Variants in SLC7A2 observed in about 807,000 individuals in gnomAD.
SLC7A2 encodes solute carrier family 7 member 2.
SLC7A2 carries 48 observed loss-of-function variants against 58.9 expected under a neutral mutation model. The observed-to-expected ratio is 0.82, with a 90% CI of 0.65 to 1.04. The LOEUF (loss-of-function observed/expected upper bound fraction) is 1.04. Among genes scored for constraint, SLC7A2 ranks in the 50% least tolerant of loss-of-function variants. SLC7A2 has a pLI of 0.00. For missense variants in SLC7A2, 1,029 were observed against 818.8 expected, an observed-to-expected ratio of 1.26 and a Z score of -3.13; for synonymous variants, 363 against 314.5, an observed-to-expected ratio of 1.15 and a Z score of -1.63.
chr8:17,496,582 G>A (rs1221780917), upstream of SLC7A2, among the ~76,000 whole-genome samples: 10 of 152,106 alleles, frequency 6.6e-5, no homozygotes, highest in South Asian at 2.1e-4. Context: ...CATACCACTG[G>A]AGTCTTCCAA....
At chr8:17,535,003 AG>A (rs1409190856) in intron 2 of SLC7A2, among the ~76,000 whole-genome samples, 11 of 152,030 alleles carry the variant, frequency 7.2e-5, no homozygotes, top group African/African-American at 2.7e-4. Context: ...AGATAATTTG[AG>A]TAGCCTGTTT....
intron 1 of SLC7A2, chr8:17,499,032 C>T (rs1800054321): frequency 6.6e-6 from 1 of 152,046 alleles, no homozygotes. Flanking sequence ...AGCACACTCA[C>T]CTTTGCAGAG....
chr8:17,563,408 A>G (rs1196065908), intron 11 of SLC7A2, among the ~76,000 whole-genome samples, 195 bp from the exon 12 acceptor site: 1 of 152,140 alleles, frequency 6.6e-6, no homozygotes, highest in Non-Finnish European at 1.5e-5. Context: ...AATCTGATAA[A>G]TCCCCTGGTG....
upstream of SLC7A2, among the ~76,000 whole-genome samples, chr8:17,494,381 G>A (rs960846449): frequency 6.6e-6 from 1 of 152,124 alleles, no homozygotes; most frequent in African/African-American, 2.4e-5. Flanking sequence ...TGACAACCTA[G>A]GCTACTCTCT....
intron 2 of SLC7A2, among the ~76,000 whole-genome samples, chr8:17,534,724 CAG>C (rs1214241744): frequency 1.6e-4 from 23 of 144,344 alleles, no homozygotes; most frequent in African/African-American, 5.6e-4. Context: ...CAAGACAAAA[CAG>C]TACCCTCCTT....
chr8:17,506,691 G>GA (rs1800378000), intron 2 of SLC7A2, among the ~76,000 whole-genome samples: 1 of 152,164 alleles, frequency 6.6e-6, no homozygotes, highest in Admixed American at 6.5e-5. Context: ...CAAGCATATT[G>GA]AAAAGTCAGA....
rs1451068718 is a variant in SLC7A2, at chr8:17,567,520, G to A, written c.*2374G>A. ...TTTTCTGTGAAGACTCAACGGATGT[G>A]TGTGTTTGTATGTTTGTTAACAGTT... On this transcript the variant is annotated 3_prime_UTR_variant, in exon 13 of 13. Transcript: ENST00000494857. 6.6e-6 allele frequency: 1 copy of A among 152,562 alleles called. No individual in the cohort carries two copies. Among genetic ancestry groups the A allele is most frequent in the Non-Finnish European group, 1.5e-5 (1 of 68,046 alleles). 9.5% of individuals were successfully genotyped at this position (152,562 alleles called of 1,614,324 possible).
chr8:17,506,602 A>G (rs1187344694), intron 2 of SLC7A2, among the ~76,000 whole-genome samples: 2 of 152,236 alleles, frequency 1.3e-5, no homozygotes, highest in Non-Finnish European at 2.9e-5. Flanking sequence ...CGCTCTTTTT[A>G]TAGGTTAAGA....
chr8:17,556,450 T>C (rs1436137702), intron 8 of SLC7A2, among the ~76,000 whole-genome samples: 1 of 152,102 alleles, frequency 6.6e-6, no homozygotes, highest in Non-Finnish European at 1.5e-5. Context: ...AAAATATTTT[T>C]GTGATTTTGT....
At chr8:17,519,742 A>T (rs1800939890) in intron 2 of SLC7A2, among the ~76,000 whole-genome samples, 1 of 152,158 alleles carries the variant, frequency 6.6e-6, no homozygotes, top group African/African-American at 2.4e-5. Context: ...CCTAAAGAGG[A>T]TGAAAGTTTC....
chr8:17,517,609 A>G (rs1043464563), intron 2 of SLC7A2, among the ~76,000 whole-genome samples: 1 of 151,960 alleles, frequency 6.6e-6, no homozygotes, highest in Non-Finnish European at 1.5e-5. Flanking sequence ...CCTGATGCTT[A>G]TCTAGTATCT....
rs1296114794 is a variant in SLC7A2 at position 17,527,355 on chromosome 8, CT to C, written c.-22-15962del. ...CATTCATTCATTGGACAAATGTTTA[CT>C]CCTATCCATGTTTCAGTCACTGGGA... On this transcript the variant is annotated intron_variant, in intron 2 of 12. Transcript: ENST00000494857. Among the ~76,000 whole-genome samples the C allele has an allele frequency of 1.4e-4, 22 of 152,250 alleles. No homozygotes were observed. In the South Asian group the frequency reaches 2.1e-3, roughly 14 times the overall value.
At chr8:17,496,566 C>T (rs564560780), upstream of SLC7A2, among the ~76,000 whole-genome samples, 72 of 152,272 alleles carry the variant, frequency 4.7e-4, no homozygotes, top group African/African-American at 1.7e-3. Context: ...ATCGTGACTA[C>T]GTATTCATAC....
At chr8:17,496,889 C>A (rs191713951), upstream of SLC7A2, among the ~76,000 whole-genome samples, 1,549 of 151,986 alleles carry the variant, frequency 0.01, 11 homozygotes, top group Non-Finnish European at 0.015. Context: ...CGCCCGCCCA[C>A]GTGTGCTCGG....
intron 2 of SLC7A2, among the ~76,000 whole-genome samples, chr8:17,512,860 A>C (rs1264120347): frequency 6.6e-6 from 1 of 152,132 alleles, no homozygotes; most frequent in Non-Finnish European, 1.5e-5. Flanking sequence ...CTGCTCTAGG[A>C]ACTTTATACA....
At position 17,543,531 on chromosome 8, in the gene SLC7A2, G is replaced by A. The variant is rs745373782; in HGVS notation, c.192G>A (p.Ser64=). The change falls in exon 3 of 13, where the codon TCG becomes TCA. Residue 64 remains serine, a synonymous_variant. Coordinates refer to ENST00000494857, the MANE Select transcript of SLC7A2 (RefSeq NM_001370338.1). ...CTGGGGAGGTGGCCAAGGCAGACTC[G>A]GGCCCCAGCATCGTGGTGTCCTTCC... The part of the protein sequence containing the change: ...VLAGEVAKAD[S]GPSIVVSFLI... 13 of 1,613,136 alleles carry A rather than the reference G, an allele frequency of 8.1e-6. No homozygotes were observed. The highest frequency in any genetic ancestry group is 1.3e-5 in the African/African-American group (1 of 74,858).
At chr8:17,523,988 A>G (rs539604993) in intron 2 of SLC7A2, among the ~76,000 whole-genome samples, 2 of 152,366 alleles carry the variant, frequency 1.3e-5, no homozygotes, top group South Asian at 2.1e-4. Context: ...AATGGCCAAC[A>G]AGCATATGGA....
chr8:17,547,601 G>A (rs1183691562), intron 4 of SLC7A2, among the ~76,000 whole-genome samples: 1 of 152,138 alleles, frequency 6.6e-6, no homozygotes, highest in Non-Finnish European at 1.5e-5. Context: ...TTGTATAGAA[G>A]TAAATGGAAA....
At chr8:17,548,234 A>G (rs563581477) in intron 4 of SLC7A2, among the ~76,000 whole-genome samples, 1 of 152,304 alleles carries the variant, frequency 6.6e-6, no homozygotes, top group South Asian at 2.1e-4. Flanking sequence ...CCAGCTACTC[A>G]GGTGGCTGAG....
Sources: gnomAD v4.1 joint callset for allele counts (sites outside exome capture counted in the v4.1 genomes callset) on GRCh38, gnomAD v4.1.1 for gene constraint, MANE v1.5 for transcripts, NCBI Gene and HGNC (gene_info 2026-07-23, HGNC 2026-07-21) for gene names.